The following WWC1 variants were observed in gnomAD, a reference collection of about 807,000 sequenced individuals.
WWC1 encodes WW and C2 domain containing 1.
In WWC1, 55 loss-of-function variants were observed where a neutral mutation model predicts 138.4. The ratio of observed to expected loss-of-function variants is 0.40; its 90% CI spans 0.32 to 0.50. The LOEUF (loss-of-function observed/expected upper bound fraction) is 0.50. Among genes scored for constraint, WWC1 ranks in the 20% least tolerant of loss-of-function variants. WWC1 has a pLI of 0.72. For synonymous variants in WWC1, 524 were observed against 564.9 expected, an observed-to-expected ratio of 0.93 and a Z score of 1.03; for missense variants, 1,226 against 1,420.4, an observed-to-expected ratio of 0.86 and a Z score of 2.20.
rs1778063425 is a variant in WWC1 at position 168,386,537 on chromosome 5, C to T, written c.433+1123C>T. Among the ~76,000 whole-genome samples the T allele has an allele frequency of 2.6e-5, 4 of 151,866 alleles. 1 individual carries two copies. In the South Asian group the frequency reaches 6.2e-4, roughly 24 times the overall value. Reference sequence around the variant, plus strand: ...CCTCCAGAGTAGCTGGGACTACAGGCGCCCGCCACCACGCCCAGCTAATTT... The same window carrying T: ...CCTCCAGAGTAGCTGGGACTACAGGTGCCCGCCACCACGCCCAGCTAATTT... On this transcript the variant is annotated intron_variant, in intron 3 of 22. Transcript: ENST00000265293.
intron 5 of WWC1, among the ~76,000 whole-genome samples, chr5:168,403,871 T>TACACACACAC (rs57788100): frequency 0.029 from 3,857 of 134,320 alleles, 62 homozygotes; most frequent in African/African-American, 0.035. Flanking sequence ...AACACATGCA[T>TACACACACAC]ACACACACAC....
At chr5:168,423,006 C>T (rs895884633) in intron 10 of WWC1, among the ~76,000 whole-genome samples, 4 of 151,494 alleles carry the variant, frequency 2.6e-5, no homozygotes, top group Non-Finnish European at 5.9e-5. Flanking sequence ...ATTAACCGGG[C>T]GTGGTGGCAG....
chr5:168,337,985 A>G (rs2152773733), intron 1 of WWC1, among the ~76,000 whole-genome samples: 1 of 152,234 alleles, frequency 6.6e-6, no homozygotes, highest in South Asian at 2.1e-4. Flanking sequence ...AGGAGGCTGG[A>G]GGGCTGGGCA....
At chr5:168,414,206 A>T in intron 8 of WWC1, 142 bp from the exon 9 acceptor site, 1 of 1,291,424 alleles carries the variant, frequency 7.7e-7, no homozygotes, top group African/African-American at 1.5e-5. Context: ...TAGAAAAAAA[A>T]TAGGTTCCTT....
In WWC1 at chr5:168,292,306, C is replaced by G; in HGVS notation, c.119+35C>G. 1 of 1,554,382 alleles carries G rather than the reference C, an allele frequency of 6.4e-7. No individual in the cohort carries two copies. Among genetic ancestry groups the G allele is most frequent in the Non-Finnish European group, 8.7e-7 (1 of 1,150,114 alleles). ...TGGAACCCTCCTCCGTGCCCCCACA[C>G]CCCCGCCTGGGCCCCCACCTGCCCC... On this transcript the variant is annotated intron_variant, in intron 1 of 22. Coordinates refer to ENST00000265293, the MANE Select transcript of WWC1 (RefSeq NM_015238.3). The surrounding 1 kb of genome is among the most constrained non-coding windows in gnomAD (Gnocchi z 4.4).
intron 1 of WWC1, among the ~76,000 whole-genome samples, chr5:168,352,159 T>C (rs1339387101): frequency 1.3e-5 from 2 of 152,192 alleles, no homozygotes; most frequent in African/African-American, 4.8e-5. Context: ...TTGAATACTG[T>C]CCACATGTGC....
At chr5:168,424,644 T>G (rs977308747) in intron 11 of WWC1, among the ~76,000 whole-genome samples, 7 of 151,952 alleles carry the variant, frequency 4.6e-5, no homozygotes, top group African/African-American at 1.5e-4. Flanking sequence ...AAGAGCAAAA[T>G]CTCTGAGGTC....
chr5:168,417,736 C>T (rs1054437296), intron 9 of WWC1, among the ~76,000 whole-genome samples: 3 of 152,156 alleles, frequency 2.0e-5, no homozygotes, highest in Admixed American at 6.5e-5. Flanking sequence ...GCGGGCAGCT[C>T]GGAGGGCCTG....
At chr5:168,305,782 C>T (rs758062113) in intron 1 of WWC1, among the ~76,000 whole-genome samples, 2 of 152,146 alleles carry the variant, frequency 1.3e-5, no homozygotes, top group Non-Finnish European at 2.9e-5. Flanking sequence ...GAGGGGACAA[C>T]TAAAAATACC....
intron 2 of WWC1, among the ~76,000 whole-genome samples, chr5:168,372,233 A>C (rs1776815112): frequency 6.6e-6 from 1 of 151,642 alleles, no homozygotes; most frequent in South Asian, 2.1e-4. Flanking sequence ...AGGTTGTCTG[A>C]CAGGTGGAGG....
chr5:168,464,139 G>A (rs889848709), intron 20 of WWC1, among the ~76,000 whole-genome samples: 1 of 152,134 alleles, frequency 6.6e-6, no homozygotes, highest in African/African-American at 2.4e-5. Flanking sequence ...AAGGGAAGGT[G>A]AGGGCATTGT....
rs560863657 is a variant in WWC1 at position 168,432,158 on chromosome 5, A to G, written c.2280+714A>G. Among the ~76,000 whole-genome samples, 3 of 152,070 alleles carry G rather than the reference A, an allele frequency of 2.0e-5. No individual in the cohort carries two copies. In the South Asian group the frequency reaches 6.2e-4, roughly 32 times the overall value. On this transcript the variant is annotated intron_variant, in intron 15 of 22. Transcript: ENST00000265293. ...GATGACCTTGGGCAAGGTACTTAAC[A>G]TCTCTGATCCTCATTTTTCTTATCC... is the stretch of plus-strand genomic sequence containing the variant.
In WWC1 at chr5:168,306,206, G is replaced by A. The variant is rs571865397; in HGVS notation, c.119+13935G>A. ...GAGGTCAGGAGTTCGAGACCAGCCT[G>A]GCCAACATGGTGAGACCCTGTCTCT... On this transcript the variant is annotated intron_variant, in intron 1 of 22. Transcript: ENST00000265293. 7.8e-4 allele frequency among the ~76,000 whole-genome samples: 119 copies of A among 152,222 alleles called. 1 individual carries two copies. The highest frequency in any genetic ancestry group is 3.4e-3 in the Middle Eastern group (1 of 294).
At chr5:168,413,264 C>T (rs949383839) in intron 8 of WWC1, among the ~76,000 whole-genome samples, 1 of 152,184 alleles carries the variant, frequency 6.6e-6, no homozygotes, top group African/African-American at 2.4e-5. Flanking sequence ...GTGGCCAGGG[C>T]GTGAGAGCTG....
intron 1 of WWC1, among the ~76,000 whole-genome samples, chr5:168,357,180 T>C (rs189246136): frequency 7.4e-4 from 112 of 152,260 alleles, no homozygotes; most frequent in African/African-American, 2.6e-3. Context: ...TTTCTTTCTT[T>C]GTTCTTTTGT....
intron 13 of WWC1, among the ~76,000 whole-genome samples, chr5:168,429,177 G>C (rs187189049): frequency 6.6e-6 from 1 of 151,966 alleles, no homozygotes; most frequent in Non-Finnish European, 1.5e-5. Flanking sequence ...TTGATCACTG[G>C]GGGCTGCAGC....
At chr5:168,421,225 T>C (rs1210478477) in intron 9 of WWC1, among the ~76,000 whole-genome samples, 1 of 152,158 alleles carries the variant, frequency 6.6e-6, no homozygotes, top group Non-Finnish European at 1.5e-5. Flanking sequence ...ACACTTTTCT[T>C]AACTACTAGT....
intron 1 of WWC1, among the ~76,000 whole-genome samples, chr5:168,338,001 G>A (rs951229575): frequency 6.6e-6 from 1 of 152,142 alleles, no homozygotes; most frequent in Admixed American, 6.5e-5. Context: ...GGGCAAGAGT[G>A]TGCAGTTTGT....
At chr5:168,460,858 G>C in intron 20 of WWC1, 116 bp downstream of exon 20, 1 of 1,081,324 alleles carries the variant, frequency 9.2e-7, no homozygotes, top group Non-Finnish European at 1.4e-6. Flanking sequence ...CCACTGGCTA[G>C]AAAAATGTTG....
Sources: gnomAD v4.1 joint callset for allele counts (sites outside exome capture counted in the v4.1 genomes callset) on GRCh38, gnomAD v4.1.1 for gene constraint, Gnocchi (gnomAD v3.1) non-coding constraint, MANE v1.5 for transcripts, NCBI Gene and HGNC (gene_info 2026-07-23, HGNC 2026-07-21) for gene names.